HEXB: variants seen among roughly 807,000 people sequenced by gnomAD.
The protein encoded by HEXB is beta-hexosaminidase subunit beta.
In HEXB, 51 loss-of-function variants were observed where a neutral mutation model predicts 71.2. The observed-to-expected ratio is 0.72, with a 90% confidence interval of 0.57 to 0.90. The LOEUF (loss-of-function observed/expected upper bound fraction) is 0.90. Ranked by LOEUF, HEXB falls within the 40% of genes least tolerant of loss-of-function variation. The pLI is 0.00. For synonymous variants in HEXB, 266 were observed against 249.3 expected (o/e 1.07, Z -0.63); for missense variants, 617 against 677.0 (o/e 0.91, Z 0.98).
At chr5:74,654,055 C>G (rs1748172438) in intron 1 of HEXB, among the ~76,000 whole-genome samples, 1 of 152,108 alleles carries the variant, frequency 6.6e-6, no homozygotes, top group Non-Finnish European at 1.5e-5. Context: ...CCTCCCGGCT[C>G]CATCCTGGTG....
intron 1 of HEXB, among the ~76,000 whole-genome samples, chr5:74,661,545 GTGTGTGTGTGTGTGTGTGTC>G (rs1748323239): frequency 1.1e-5 from 1 of 87,764 alleles, no homozygotes; most frequent in African/African-American, 6.4e-5. Flanking sequence ...GTGTGTGTGT[GTGTGTGTGTGTGTGTGTGTC>G]TCTCTCTCTC....
intron 1 of HEXB, among the ~76,000 whole-genome samples, chr5:74,643,449 C>T (rs1271222126): frequency 6.6e-6 from 1 of 152,214 alleles, no homozygotes; most frequent in African/African-American, 2.4e-5. Flanking sequence ...ATGCTGCTTA[C>T]ACTGTATCCG....
At chr5:74,706,041 G>T (rs1165540923) in intron 6 of HEXB, 2 of 152,868 alleles carry the variant, frequency 1.3e-5, no homozygotes, top group African/African-American at 4.8e-5. Flanking sequence ...TTTTTATTAT[G>T]GCAAATTTCA....
chr5:74,703,158 G>T (rs948419778), intron 5 of HEXB, among the ~76,000 whole-genome samples: 2 of 152,174 alleles, frequency 1.3e-5, no homozygotes, highest in Admixed American at 1.3e-4. Context: ...TCGCCATGTT[G>T]GCCAGGCTGG....
At chr5:74,642,778 A>G (rs1747928531) in intron 1 of HEXB, among the ~76,000 whole-genome samples, 1 of 152,190 alleles carries the variant, frequency 6.6e-6, no homozygotes, top group African/African-American at 2.4e-5. Flanking sequence ...GGAACAGCAA[A>G]GTTCAGATCC....
At chr5:74,650,031 A>C (rs1748073675) in intron 1 of HEXB, among the ~76,000 whole-genome samples, 1 of 152,232 alleles carries the variant, frequency 6.6e-6, no homozygotes, top group South Asian at 2.1e-4. Context: ...CTGGAGCAAA[A>C]ATGCAATGGA....
At chr5:74,716,843 C>G in intron 9 of HEXB, 170 bp downstream of exon 9, 1 of 524,218 alleles carries the variant, frequency 1.9e-6, no homozygotes, top group South Asian at 2.1e-5. Context: ...CATGGTGACT[C>G]CAAGTATTTT....
At chr5:74,701,144 A>G (rs560015083) in intron 5 of HEXB, among the ~76,000 whole-genome samples, 4 of 152,120 alleles carry the variant, frequency 2.6e-5, no homozygotes, top group African/African-American at 9.6e-5. Context: ...TGGCCTCTCA[A>G]AGTGCTGGGA....
chr5:74,699,564 C>T (rs1749212201), intron 5 of HEXB, among the ~76,000 whole-genome samples: 1 of 152,220 alleles, frequency 6.6e-6, no homozygotes, highest in South Asian at 2.1e-4. Context: ...TGTGAGCCAC[C>T]ACACCTGGCC....
intron 12 of HEXB, 60 bp downstream of exon 12, chr5:74,720,578 T>TAAAC: frequency 6.3e-7 from 1 of 1,595,296 alleles, no homozygotes; most frequent in Non-Finnish European, 8.6e-7. Context: ...CTTCTCTGTC[T>TAAAC]AAACACAAAA....
intron 6 of HEXB, among the ~76,000 whole-genome samples, chr5:74,709,764 C>T (rs1749492851): frequency 6.6e-6 from 1 of 152,122 alleles, no homozygotes; most frequent in Non-Finnish European, 1.5e-5. Context: ...CTGAATAGAC[C>T]AATAACAGGA....
At chr5:74,690,201 C>T (rs569871172) in intron 2 of HEXB, among the ~76,000 whole-genome samples, 2 of 152,146 alleles carry the variant, frequency 1.3e-5, no homozygotes, top group South Asian at 4.2e-4. Context: ...AGGGCTTTTC[C>T]CAAATTGTTT....
chr5:74,685,310 T>C lies in HEXB; in HGVS notation c.50T>C (p.Leu17Pro). 1.9e-6 allele frequency: 3 copies of C among 1,566,620 alleles called. No homozygotes were observed. The highest frequency in any genetic ancestry group is 2.6e-6 in the Non-Finnish European group (3 of 1,159,142). The change falls in exon 1 of 14, where the codon CTG (leucine) becomes CCG (proline). Residue 17 changes from leucine (L) to proline (P), a missense_variant. By Grantham distance (98) the Leu-to-Pro change is moderately conservative. Coordinates refer to ENST00000261416, the MANE Select transcript of HEXB (RefSeq NM_000521.4). ...GLPRPPMLLA[L>P]LLATLLAAML... Reference sequence around the variant, plus strand: ...CCCCGGCCGCCCATGCTGCTGGCGCTGCTGTTGGCGACACTGCTGGCGGCG... The same window carrying C: ...CCCCGGCCGCCCATGCTGCTGGCGCCGCTGTTGGCGACACTGCTGGCGGCG...
intron 5 of HEXB, among the ~76,000 whole-genome samples, chr5:74,697,760 A>G (rs1580384054): frequency 6.9e-6 from 1 of 145,960 alleles, no homozygotes; most frequent in South Asian, 2.2e-4. Context: ...ATACGTGGCC[A>G]CCACACCATA....
At chr5:74,647,405 G>A (rs1025972082) in intron 1 of HEXB, among the ~76,000 whole-genome samples, 1 of 152,198 alleles carries the variant, frequency 6.6e-6, no homozygotes, top group African/African-American at 2.4e-5. Flanking sequence ...ATGGTACTCT[G>A]CAAGCACAGA....
rs190635635 is a variant in HEXB at position 74,703,535 on chromosome 5, G to C, written c.670-1684G>C. On this transcript the variant is annotated intron_variant, in intron 5 of 13. Transcript: ENST00000261416. Reference sequence around the variant, plus strand: ...ATTGCTTGTAGACCCTCTGAGCAGAGAGAGCTAGAAAACGTGTGTACCTGT... The same window carrying C: ...ATTGCTTGTAGACCCTCTGAGCAGACAGAGCTAGAAAACGTGTGTACCTGT... 3.8e-4 allele frequency among the ~76,000 whole-genome samples: 58 copies of C among 152,288 alleles called. No homozygotes were observed. In the East Asian group the frequency reaches 0.011, roughly 28 times the overall value.
chr5:74,644,428 A>G (rs1286916216), intron 1 of HEXB, among the ~76,000 whole-genome samples: 3 of 152,264 alleles, frequency 2.0e-5, no homozygotes, highest in South Asian at 2.1e-4. Context: ...GGATCTGAAG[A>G]CCTCAGAACA....
At chr5:74,679,798 CAAAAAAAA>C (rs70976121) in intron 1 of HEXB, among the ~76,000 whole-genome samples, 68 of 38,928 alleles carry the variant, frequency 1.7e-3, no homozygotes, top group African/African-American at 5.5e-3. Flanking sequence ...GACTCCGTCT[CAAAAAAAA>C]AAAAAAAAAA....
intron 1 of HEXB, among the ~76,000 whole-genome samples, chr5:74,648,471 A>C (rs1500132): frequency 0.83 from 125,851 of 152,216 alleles, 52,556 homozygotes; most frequent in African/African-American, 0.95. Flanking sequence ...CTTCTCCAGC[A>C]CAATCTGCAG....
Sources: allele counts gnomAD v4.1 joint callset (sites outside exome capture counted in the v4.1 genomes callset), GRCh38; gene constraint gnomAD v4.1.1; transcripts MANE v1.5; gene names NCBI Gene and HGNC (gene_info 2026-07-23, HGNC 2026-07-21).